The following MYO10 variants were observed in gnomAD, a reference collection of about 807,000 sequenced individuals.
MYO10 encodes myosin X.
In MYO10, 133 loss-of-function variants were observed where a neutral mutation model predicts 257.3. The ratio of observed to expected loss-of-function variants is 0.52; its 90% CI spans 0.45 to 0.60. The LOEUF (loss-of-function observed/expected upper bound fraction) is 0.60, where lower values mean the gene tolerates loss of function less well. Among genes scored for constraint, MYO10 ranks in the 20% least tolerant of loss-of-function variants. The pLI, the probability that MYO10 is intolerant of heterozygous loss-of-function variation, is 0.00. For synonymous variants in MYO10, 1,104 were observed against 1,028.6 expected (o/e 1.07, Z -1.40); for missense variants, 2,399 against 2,635.7 (o/e 0.91, Z 1.97).
intron 9 of MYO10, among the ~76,000 whole-genome samples, chr5:16,778,432 G>A (rs1741288423): frequency 6.6e-6 from 1 of 152,154 alleles, no homozygotes; most frequent in African/African-American, 2.4e-5. Flanking sequence ...ATAAAATGGG[G>A]TCCCTGGAGA....
chr5:16,747,131 G>A (rs1196731755), intron 19 of MYO10, among the ~76,000 whole-genome samples: 1 of 152,056 alleles, frequency 6.6e-6, no homozygotes, highest in African/African-American at 2.4e-5. Flanking sequence ...GTTCCTAAAG[G>A]GCCCTGAACC....
At chr5:16,885,739 T>C (rs1744880414) in intron 1 of MYO10, among the ~76,000 whole-genome samples, 1 of 150,574 alleles carries the variant, frequency 6.6e-6, no homozygotes, top group Non-Finnish European at 1.5e-5. Flanking sequence ...ATAAAATGAG[T>C]ATGACAAATG....
In MYO10 at chr5:16,701,905, T is replaced by G. The variant is rs1398232244; in HGVS notation, c.2557-67A>C. 29 of 1,509,500 alleles carry G rather than the reference T, an allele frequency of 1.9e-5. No homozygotes were observed. Among genetic ancestry groups the G allele is most frequent in the Non-Finnish European group, 2.6e-5 (29 of 1,131,272 alleles). The allele number at this position is 1,509,500 out of a possible 1,614,324, so 93.5% of individuals were successfully genotyped here. A position where few individuals can be genotyped will look rare whatever the true frequency, so the allele number is the denominator to read the frequency against. Reference sequence around the variant, plus strand: ...AAAAGTCCAAGCATAGCTCCCGCTTTGCAACCAGGATGAAATATGGTCATT... The same window carrying G: ...AAAAGTCCAAGCATAGCTCCCGCTTGGCAACCAGGATGAAATATGGTCATT... On this transcript the variant is annotated intron_variant, in intron 24 of 40. Coordinates refer to ENST00000513610, the MANE Select transcript of MYO10 (RefSeq NM_012334.3). The surrounding 1 kb of genome is among the most constrained non-coding windows in gnomAD (Gnocchi z 8.1).
At chr5:16,867,456 G>A (rs993246283) in intron 2 of MYO10, among the ~76,000 whole-genome samples, 6 of 151,950 alleles carry the variant, frequency 3.9e-5, no homozygotes, top group Non-Finnish European at 8.8e-5. Context: ...ACATAAAAAC[G>A]ACACCAATAG....
At position 16,702,554 on chromosome 5, in the gene MYO10, G is replaced by C. The variant is rs55735943; in HGVS notation, c.2545C>G (p.Arg849Gly). ...RERERREAEL[R>G]AQQEEETRKQ... ...ACTGCACTCATTACCTGCTGGGCGC[G>C]GAGCTCGGCTTCTCTTCGCTCTCTC... is the stretch of plus-strand genomic sequence containing the variant. Residue 849 changes from arginine (R) to glycine (G), a missense_variant, in exon 24 of 41, where the codon CGC (arginine) becomes GGC (glycine). Physicochemically the swap from Arg to Gly is moderately radical, Grantham distance 125 (BLOSUM62 -2). Coordinates refer to ENST00000513610, the MANE Select transcript of MYO10 (RefSeq NM_012334.3). 6.3e-7 allele frequency: 1 copy of C among 1,591,450 alleles called. No individual in the cohort carries two copies. Among genetic ancestry groups the C allele is most frequent in the Middle Eastern group, 1.7e-4 (1 of 6,034 alleles).
At chr5:16,934,890 G>A (rs1746391195) in intron 1 of MYO10, among the ~76,000 whole-genome samples, 1 of 152,208 alleles carries the variant, frequency 6.6e-6, no homozygotes, top group East Asian at 1.9e-4. Flanking sequence ...TCTGCACTCA[G>A]AAAACATTCC....
chr5:16,762,298 T>C (rs1043227242), intron 15 of MYO10, among the ~76,000 whole-genome samples, 185 bp from the exon 16 acceptor site: 5 of 152,174 alleles, frequency 3.3e-5, no homozygotes, highest in African/African-American at 1.2e-4. Flanking sequence ...CTCTCGATTG[T>C]GTCATTATAA....
chr5:16,867,431 C>G (rs1400281409), intron 2 of MYO10, among the ~76,000 whole-genome samples: 1 of 151,900 alleles, frequency 6.6e-6, no homozygotes, highest in Admixed American at 6.6e-5. Context: ...CCTACATCCA[C>G]AAGGCATTCA....
chr5:16,934,412 G>A (rs541915465), intron 1 of MYO10, among the ~76,000 whole-genome samples: 1 of 152,354 alleles, frequency 6.6e-6, no homozygotes, highest in African/African-American at 2.4e-5. Context: ...CAGGGCCTCC[G>A]TTTTCTTACA....
At chr5:16,863,685 A>G (rs1744167323) in intron 2 of MYO10, among the ~76,000 whole-genome samples, 1 of 152,238 alleles carries the variant, frequency 6.6e-6, no homozygotes, top group African/African-American at 2.4e-5. Context: ...TGAAAACAGA[A>G]TATGTTTCTA....
rs186658122 is a variant in MYO10, at chr5:16,839,330, T to C, written c.121-21163A>G. Among the ~76,000 whole-genome samples, 9 of 152,174 alleles carry C rather than the reference T, an allele frequency of 5.9e-5. No individual in the cohort carries two copies. In the East Asian group the frequency reaches 9.7e-4, roughly 16 times the overall value. Reference sequence around the variant, plus strand: ...ATTATTCCAACCCTCATGTATGACATTGAGGGGTTCAAGACTTCAGTGGAG... The same window carrying C: ...ATTATTCCAACCCTCATGTATGACACTGAGGGGTTCAAGACTTCAGTGGAG... On this transcript the variant is annotated intron_variant, in intron 2 of 40. Coordinates refer to ENST00000513610, the MANE Select transcript of MYO10 (RefSeq NM_012334.3).
At chr5:16,862,552 C>T (rs1003216067) in intron 2 of MYO10, among the ~76,000 whole-genome samples, 5 of 152,030 alleles carry the variant, frequency 3.3e-5, no homozygotes, top group Admixed American at 2.6e-4. Context: ...CAAAATATGA[C>T]TTTGTTAAAA....
chr5:16,766,826 G>A (rs1740886112), intron 10 of MYO10, among the ~76,000 whole-genome samples: 6 of 148,842 alleles, frequency 4.0e-5, no homozygotes, highest in Admixed American at 3.4e-4. Flanking sequence ...CTGGAGTACG[G>A]TGGCATGATC....
chr5:16,883,840 A>C (rs970503776), intron 1 of MYO10, among the ~76,000 whole-genome samples: 8 of 152,232 alleles, frequency 5.3e-5, no homozygotes, highest in Non-Finnish European at 1.2e-4. Context: ...AAGTTAGAGA[A>C]ACAACCCTAA....
intron 4 of MYO10, among the ~76,000 whole-genome samples, chr5:16,794,263 T>A (rs1324892685): frequency 6.6e-6 from 1 of 151,892 alleles, no homozygotes; most frequent in Admixed American, 6.6e-5. Flanking sequence ...AGTAGCACTG[T>A]AGGCTATATA....
At chr5:16,668,180 A>G in intron 40 of MYO10, 97 bp downstream of exon 40, 1 of 1,315,326 alleles carries the variant, frequency 7.6e-7, no homozygotes. Flanking sequence ...AAAATATTCA[A>G]AGAAAATGAC....
chr5:16,890,694 G>T (rs537378893), intron 1 of MYO10, among the ~76,000 whole-genome samples: 2 of 151,548 alleles, frequency 1.3e-5, no homozygotes, highest in Non-Finnish European at 2.9e-5. Flanking sequence ...ACAAAAATTA[G>T]CCAGGTGTGG....
At chr5:16,748,097 TCTCA>T (rs1313027621) in intron 19 of MYO10, among the ~76,000 whole-genome samples, 1 of 152,018 alleles carries the variant, frequency 6.6e-6, no homozygotes. Context: ...TTGAGACAGG[TCTCA>T]CTGTGTTGCA....
chr5:16,726,051 G>A (rs1739355230), intron 19 of MYO10, among the ~76,000 whole-genome samples: 1 of 152,158 alleles, frequency 6.6e-6, no homozygotes, highest in Non-Finnish European at 1.5e-5. Flanking sequence ...CTCCCAAAGT[G>A]CTGGGATTAC....
Sources: allele counts gnomAD v4.1 joint callset (sites outside exome capture counted in the v4.1 genomes callset), GRCh38; gene constraint gnomAD v4.1.1; non-coding constraint Gnocchi (gnomAD v3.1); transcripts MANE v1.5; gene names NCBI Gene and HGNC (gene_info 2026-07-23, HGNC 2026-07-21).